TMEM108: variants seen among roughly 807,000 people sequenced by gnomAD.
TMEM108 encodes transmembrane protein 108.
A neutral mutation model predicts 35.1 loss-of-function variants in TMEM108; 12 were observed. The ratio of observed to expected loss-of-function variants is 0.34; its 90% CI spans 0.22 to 0.55. The LOEUF is 0.55. Among genes scored for constraint, TMEM108 ranks in the 20% least tolerant of loss-of-function variants. The pLI, the probability that TMEM108 is intolerant of heterozygous loss-of-function variation, is 0.89. For missense variants in TMEM108, 680 were observed against 753.3 expected, an observed-to-expected ratio of 0.90 and a Z score of 1.14; for synonymous variants, 287 against 308.6, an observed-to-expected ratio of 0.93 and a Z score of 0.73.
intron 2 of TMEM108, among the ~76,000 whole-genome samples, chr3:133,106,915 C>T (rs754032541): frequency 3.9e-5 from 6 of 152,128 alleles, no homozygotes; most frequent in Non-Finnish European, 8.8e-5. Context: ...AAATAATAGA[C>T]GTTTATTGTT....
intron 2 of TMEM108, among the ~76,000 whole-genome samples, chr3:133,106,946 G>A (rs1360405818): frequency 1.3e-5 from 2 of 152,162 alleles, no homozygotes; most frequent in African/African-American, 4.8e-5. Flanking sequence ...ATTGTGTTCT[G>A]GGCTAATTTG....
intron 2 of TMEM108, among the ~76,000 whole-genome samples, chr3:133,124,051 A>C (rs149431904): frequency 1.3e-5 from 2 of 152,298 alleles, no homozygotes; most frequent in African/African-American, 4.8e-5. Flanking sequence ...GAGCTCAATA[A>C]ACTGTTTATT....
chr3:133,104,067 G>T (rs981067481), intron 2 of TMEM108, among the ~76,000 whole-genome samples: 7 of 152,120 alleles, frequency 4.6e-5, no homozygotes, highest in African/African-American at 9.7e-5. Context: ...TCCTTGCAAA[G>T]AATTCAAGGA....
At chr3:133,099,203 A>G (rs1944054943) in intron 2 of TMEM108, among the ~76,000 whole-genome samples, 1 of 152,180 alleles carries the variant, frequency 6.6e-6, no homozygotes, top group South Asian at 2.1e-4. Context: ...GGCTTAGGGA[A>G]TCCACCCTCT....
At position 133,117,050 on chromosome 3, in the gene TMEM108, A is replaced by G. The variant is rs374780892; in HGVS notation, c.-47+71030A>G. ...CTTCCAAAGTGCTGGGATTACAGGTATGAGCTGCCGCACCCGGCCTGATTT... is the reference window on the plus strand; with the variant it reads ...CTTCCAAAGTGCTGGGATTACAGGTGTGAGCTGCCGCACCCGGCCTGATTT... On this transcript the variant is annotated intron_variant, in intron 2 of 5. Transcript: ENST00000321871. Among the ~76,000 whole-genome samples, 37 of 152,348 alleles carry G rather than the reference A, an allele frequency of 2.4e-4. 2 individuals are homozygous for G. Among genetic ancestry groups the G allele is most frequent in the East Asian group, 2.1e-3 (11 of 5,176 alleles).
chr3:133,388,056 G>A (rs1244550977), intron 4 of TMEM108: 1 of 985,328 alleles, frequency 1.0e-6, no homozygotes, highest in Admixed American at 6.1e-5. Flanking sequence ...GCCCCTACAG[G>A]CTGATAACTG....
chr3:133,089,923 T>A (rs907110849), intron 2 of TMEM108, among the ~76,000 whole-genome samples: 1 of 152,202 alleles, frequency 6.6e-6, no homozygotes, highest in Non-Finnish European at 1.5e-5. Context: ...TAGAATTTAT[T>A]CCTGAATCAA....
At chr3:133,277,317 G>GA (rs138083789) in intron 3 of TMEM108, among the ~76,000 whole-genome samples, 2,271 of 150,504 alleles carry the variant, frequency 0.015, 66 homozygotes, top group African/African-American at 0.053. Flanking sequence ...AAATGGCTCA[G>GA]AAAAAAAAAT....
chr3:133,138,757 A>C (rs980637407), intron 2 of TMEM108, among the ~76,000 whole-genome samples: 6 of 149,672 alleles, frequency 4.0e-5, no homozygotes, highest in African/African-American at 1.5e-4. Context: ...ATTTGTACTA[A>C]CCTCTGTTGA....
At chr3:133,254,652 A>G (rs1310180461) in intron 3 of TMEM108, among the ~76,000 whole-genome samples, 1 of 152,248 alleles carries the variant, frequency 6.6e-6, no homozygotes, top group African/African-American at 2.4e-5. Context: ...ATTGATTAAG[A>G]CTGCCAAAAA....
At chr3:133,299,933 G>A (rs1576441041) in intron 3 of TMEM108, among the ~76,000 whole-genome samples, 2 of 152,172 alleles carry the variant, frequency 1.3e-5, no homozygotes, top group African/African-American at 4.8e-5. Flanking sequence ...GAAAATCAGA[G>A]TGGAGAAAAG....
At chr3:133,147,071 C>G (rs920789589) in intron 2 of TMEM108, among the ~76,000 whole-genome samples, 1 of 152,178 alleles carries the variant, frequency 6.6e-6, no homozygotes, top group South Asian at 2.1e-4. Context: ...GATTGTAGAT[C>G]TTTCCTGCTT....
At chr3:133,181,023 A>AAAAAAAC (rs1945332840) in intron 2 of TMEM108, among the ~76,000 whole-genome samples, 1 of 141,852 alleles carries the variant, frequency 7.0e-6, no homozygotes, top group Non-Finnish European at 1.5e-5. Flanking sequence ...AAAAAAAAAA[A>AAAAAAAC]AAAAAAAAAA....
chr3:133,160,369 C>T (rs989598486), intron 2 of TMEM108, among the ~76,000 whole-genome samples: 1 of 152,180 alleles, frequency 6.6e-6, no homozygotes, highest in African/African-American at 2.4e-5. Flanking sequence ...ATAGGCACAC[C>T]TAAGGAGCTG....
At chr3:133,285,895 A>G (rs1175296800) in intron 3 of TMEM108, among the ~76,000 whole-genome samples, 2 of 152,050 alleles carry the variant, frequency 1.3e-5, no homozygotes, top group Non-Finnish European at 2.9e-5. Context: ...TTAGTTTTCT[A>G]TTTTTGTATT....
At chr3:133,318,586 C>G (rs2071226305) in intron 3 of TMEM108, among the ~76,000 whole-genome samples, 1 of 152,108 alleles carries the variant, frequency 6.6e-6, no homozygotes, top group Admixed American at 6.5e-5. Context: ...TCATTTTTTA[C>G]TCTAAAAATC....
At chr3:133,359,873 A>G (rs1227617549) in intron 3 of TMEM108, among the ~76,000 whole-genome samples, 1 of 152,178 alleles carries the variant, frequency 6.6e-6, no homozygotes, top group East Asian at 1.9e-4. Context: ...TGTCCTCACA[A>G]AGAACTTGTA....
At chr3:133,212,899 AAAG>A (rs1559870203) in intron 2 of TMEM108, among the ~76,000 whole-genome samples, 1 of 150,702 alleles carries the variant, frequency 6.6e-6, no homozygotes. Flanking sequence ...AAAAAGAAAG[AAAG>A]AAGAGAAAGA....
intron 3 of TMEM108, among the ~76,000 whole-genome samples, chr3:133,241,515 A>G (rs923759667): frequency 9.3e-5 from 14 of 150,774 alleles, no homozygotes; most frequent in Admixed American, 6.6e-4. Context: ...TCACTCAGCT[A>G]TGAGCTGTGG....
Sources: gnomAD v4.1 joint callset for allele counts (sites outside exome capture counted in the v4.1 genomes callset) on GRCh38, gnomAD v4.1.1 for gene constraint, MANE v1.5 for transcripts, NCBI Gene and HGNC (gene_info 2026-07-23, HGNC 2026-07-21) for gene names.